Variants in RBFOX1 observed in about 807,000 individuals in gnomAD.
The protein encoded by RBFOX1 is RNA binding fox-1 homolog 1.
Under a neutral mutation model 57.7 loss-of-function variants are expected in RBFOX1, and 8 were observed. The observed-to-expected ratio is 0.14, with a 90% CI of 0.08 to 0.25. RBFOX1 has a LOEUF of 0.25. RBFOX1 is among the 10% of genes least tolerant of loss of function. The probability of loss-of-function intolerance (pLI) is 1.00; values close to 1 mark genes in which losing one functional copy is unlikely to be tolerated. For missense variants in RBFOX1, 611 were observed against 548.5 expected (o/e 1.11, Z -1.14); for synonymous variants, 326 against 222.4 (o/e 1.47, Z -4.15).
At chr16:5,579,075 T>G (rs28522499) in intron 2 of RBFOX1, among the ~76,000 whole-genome samples, 10 of 152,102 alleles carry the variant, frequency 6.6e-5, no homozygotes, top group Non-Finnish European at 1.5e-4. Flanking sequence ...CTGGAACTCC[T>G]GACCTCAGGT....
Position 5,659,500 on chromosome 16 carries a change from T to A in RBFOX1, c.318+60539T>A, listed in dbSNP as rs142762133. Among the ~76,000 whole-genome samples the A allele has an allele frequency of 3.5e-3, 536 of 152,164 alleles. 3 individuals carry two copies. Among genetic ancestry groups the A allele is most frequent in the African/African-American group, 0.011 (466 of 41,534 alleles). ...TTGTATTGTTAGTAGAGACGGGGTT[T>A]TACCATGTTAGCCAGGATGGCCTCA... On this transcript the variant is annotated intron_variant, in intron 3 of 19. Transcript: ENST00000641259.
At chr16:6,990,961 A>C (rs1568258628) in intron 3 of RBFOX1, among the ~76,000 whole-genome samples, 1 of 152,060 alleles carries the variant, frequency 6.6e-6, no homozygotes, top group African/African-American at 2.4e-5. Context: ...CATTGATTGC[A>C]TATTTTAAAG....
At chr16:6,893,178 G>C (rs975675610) in intron 3 of RBFOX1, among the ~76,000 whole-genome samples, 2 of 152,102 alleles carry the variant, frequency 1.3e-5, no homozygotes, top group Non-Finnish European at 2.9e-5. Context: ...TTTGCAGGCA[G>C]TGGAGTGAGT....
At chr16:6,521,588 T>C (rs2096499759) in intron 2 of RBFOX1, among the ~76,000 whole-genome samples, 1 of 151,732 alleles carries the variant, frequency 6.6e-6, no homozygotes, top group African/African-American at 2.4e-5. Flanking sequence ...TTAATCTTTT[T>C]TCCTTAAAAC....
In RBFOX1 at chr16:5,787,845, G is replaced by C. The variant is rs369934319; in HGVS notation, c.319-79458G>C. On this transcript the variant is annotated intron_variant, in intron 3 of 19. Coordinates refer to the RBFOX1 transcript ENST00000641259. ...AGAGGTAGCAAACAAAGTTGGAAAG[G>C]AAGAATGCATTGCAATTGCAGTGTT... Among the ~76,000 whole-genome samples the C allele has an allele frequency of 1.1e-4, 16 of 152,310 alleles. No homozygotes were observed. The East Asian group carries it at 3.1e-3, about 29-fold the overall frequency.
At chr16:7,084,006 T>C (rs2059599762) in intron 4 of RBFOX1, among the ~76,000 whole-genome samples, 1 of 152,074 alleles carries the variant, frequency 6.6e-6, no homozygotes, top group African/African-American at 2.4e-5. Context: ...CTGTGACCTG[T>C]TAAAGGCCCT....
At chr16:5,302,835 G>A (rs1402365883) in intron 1 of RBFOX1, among the ~76,000 whole-genome samples, 3 of 152,084 alleles carry the variant, frequency 2.0e-5, no homozygotes, top group Admixed American at 1.3e-4. Context: ...TTTAAACTGT[G>A]TTTCTTATAA....
chr16:5,254,844 TCTTTGAG>T lies in RBFOX1; in HGVS notation c.219+14742_219+14748del, dbSNP rs1299515524. Among the ~76,000 whole-genome samples the T allele has an allele frequency of 2.0e-5, 3 of 152,196 alleles. No individual in the cohort carries two copies. The East Asian group carries it at 5.8e-4, about 29-fold the overall frequency. On this transcript the variant is annotated intron_variant, in intron 1 of 2. Transcript: ENST00000585867. ...GGGCTGACCTGGAGGCCTGGAAATGTCTTTGAGCTGAAGGTCATGTGTAGGTGGAGCG... is the reference window on the plus strand; with the variant it reads ...GGGCTGACCTGGAGGCCTGGAAATGTCTGAAGGTCATGTGTAGGTGGAGCG...
downstream of RBFOX1, among the ~76,000 whole-genome samples, chr16:5,600,666 G>A (rs545776769): frequency 2.2e-4 from 33 of 152,050 alleles, no homozygotes; most frequent in Admixed American, 1.8e-3. Flanking sequence ...CCACTGCTTG[G>A]TGCTTGTCTA....
At chr16:5,889,354 G>T (rs1012065341) in intron 4 of RBFOX1, among the ~76,000 whole-genome samples, 4 of 152,152 alleles carry the variant, frequency 2.6e-5, no homozygotes, top group African/African-American at 9.7e-5. Flanking sequence ...AGTTGGCTGA[G>T]GATAATGGCT....
chr16:7,671,454 G>C (rs2071406394), intron 13 of RBFOX1: 1 of 1,141,606 alleles, frequency 8.8e-7, no homozygotes. Flanking sequence ...TAAGAGAGAA[G>C]CAAACTTGTA....
intron 4 of RBFOX1, among the ~76,000 whole-genome samples, chr16:7,113,261 C>G (rs1037274466): frequency 6.6e-6 from 1 of 152,116 alleles, no homozygotes; most frequent in Non-Finnish European, 1.5e-5. Flanking sequence ...CAAGAGTGTA[C>G]CTCTGAGTCA....
chr16:5,525,842 C>G (rs2044224019), intron 2 of RBFOX1, among the ~76,000 whole-genome samples: 1 of 152,038 alleles, frequency 6.6e-6, no homozygotes, highest in Non-Finnish European at 1.5e-5. Flanking sequence ...AACAAAGCTC[C>G]CTGTTGCTGC....
At chr16:7,365,179 C>G (rs536294406) in intron 4 of RBFOX1, among the ~76,000 whole-genome samples, 9 of 152,274 alleles carry the variant, frequency 5.9e-5, no homozygotes, top group Admixed American at 5.2e-4. Flanking sequence ...GAGACTTTTT[C>G]TTTCCTCTTT....
At chr16:6,504,427 A>C (rs1432626326) in intron 2 of RBFOX1, among the ~76,000 whole-genome samples, 1 of 152,176 alleles carries the variant, frequency 6.6e-6, no homozygotes, top group Non-Finnish European at 1.5e-5. Context: ...ATGCTTCACC[A>C]TTGGTTTATG....
chr16:5,914,582 G>C (rs559448813), intron 4 of RBFOX1, among the ~76,000 whole-genome samples: 1 of 152,060 alleles, frequency 6.6e-6, no homozygotes. Context: ...CTGGTGATGA[G>C]AGAGAGAGAG....
chr16:7,233,311 C>G (rs1458904437), intron 4 of RBFOX1, among the ~76,000 whole-genome samples: 1 of 151,136 alleles, frequency 6.6e-6, no homozygotes, highest in East Asian at 1.9e-4. Context: ...AAGACCTTTT[C>G]TATTTAAAAG....
intron 3 of RBFOX1, among the ~76,000 whole-genome samples, chr16:5,623,869 A>G (rs1443734739): frequency 6.6e-6 from 1 of 152,208 alleles, no homozygotes; most frequent in African/African-American, 2.4e-5. Flanking sequence ...ATTCATATAC[A>G]GTACAATTCA....
chr16:7,381,185 C>T (rs1597002854), intron 4 of RBFOX1, among the ~76,000 whole-genome samples: 1 of 152,136 alleles, frequency 6.6e-6, no homozygotes. Flanking sequence ...CTTAAAACAG[C>T]CTCTCATCTC....
Sources: allele counts gnomAD v4.1 joint callset (sites outside exome capture counted in the v4.1 genomes callset), GRCh38; gene constraint gnomAD v4.1.1; transcripts MANE v1.5; gene names NCBI Gene and HGNC (gene_info 2026-07-23, HGNC 2026-07-21).